CX3CR1: variants seen among roughly 807,000 people sequenced by gnomAD.
CX3CR1 encodes C-X3-C motif chemokine receptor 1, also known as CX3C chemokine receptor 1.
For missense variants in CX3CR1, 363 were observed against 432.4 expected, an observed-to-expected ratio of 0.84 and a Z score of 1.42; for synonymous variants, 168 against 178.5, an observed-to-expected ratio of 0.94 and a Z score of 0.47.
the CX3CR1 span, among the ~76,000 whole-genome samples, chr3:39,292,020 T>C: frequency 6.6e-6 from 1 of 152,174 alleles, no homozygotes; most frequent in East Asian, 1.9e-4. Flanking sequence ...ATGGAAAGCT[T>C]AGGGGCGCCC....
Position 39,265,258 on chromosome 3 carries a change from A to T in CX3CR1, c.*184T>A. ...AATGTCTACTCTTTGTCATTCAAAG[A>T]GTTCAATTTGTTCATTCTTCAAATT... On this transcript the variant is annotated 3_prime_UTR_variant, in exon 2 of 2. Transcript: ENST00000399220. 1 of 584,704 alleles carries T rather than the reference A, an allele frequency of 1.7e-6. No individual in the cohort carries two copies. Among genetic ancestry groups the T allele is most frequent in the Non-Finnish European group, 2.9e-6 (1 of 341,140 alleles). 36.2% of individuals were successfully genotyped at this position (584,704 alleles called of 1,614,324 possible). A position where few individuals can be genotyped will look rare whatever the true frequency, so the allele number is the denominator to read the frequency against.
At chr3:39,292,602 A>G in the CX3CR1 span, among the ~76,000 whole-genome samples, 2 of 152,236 alleles carry the variant, frequency 1.3e-5, no homozygotes, top group East Asian at 3.8e-4. Context: ...AATGTTTACC[A>G]TGTGCCAGGA....
the CX3CR1 span, among the ~76,000 whole-genome samples, chr3:39,290,384 G>A: frequency 1.3e-5 from 2 of 152,224 alleles, no homozygotes; most frequent in African/African-American, 2.4e-5. Flanking sequence ...GGTCTTCTTT[G>A]AGCCTTTTCC....
chr3:39,269,765 G>T (rs2040753738), intron 1 of CX3CR1, among the ~76,000 whole-genome samples: 2 of 152,168 alleles, frequency 1.3e-5, no homozygotes, highest in South Asian at 4.1e-4. Flanking sequence ...CCCTAGAATT[G>T]CTGTGGCTCC....
chr3:39,285,081 A>G (rs79185874), upstream of CX3CR1, among the ~76,000 whole-genome samples: 2,617 of 152,262 alleles, frequency 0.017, 68 homozygotes, highest in African/African-American at 0.059. Context: ...TTAGAAAATT[A>G]GAGGCCAATA....
At position 39,264,143 on chromosome 3, in the gene CX3CR1, T is replaced by A. The variant is rs1372497956; in HGVS notation, c.*1299A>T. 1 of 152,028 alleles carries A rather than the reference T, an allele frequency of 6.6e-6. No homozygotes were observed. Among genetic ancestry groups the A allele is most frequent in the East Asian group, 1.9e-4 (1 of 5,178 alleles). 9.4% of individuals were successfully genotyped at this position (152,028 alleles called of 1,614,324 possible). A position where few individuals can be genotyped will look rare whatever the true frequency, so the allele number is the denominator to read the frequency against. ...GGCTATCACTCTGTAGACTTGGGAGTGCTCACTGGGTGCCATCGTAAGAAC... is the reference window on the plus strand; with the variant it reads ...GGCTATCACTCTGTAGACTTGGGAGAGCTCACTGGGTGCCATCGTAAGAAC... On this transcript the variant is annotated 3_prime_UTR_variant, in exon 2 of 2. Transcript: ENST00000399220.
At chr3:39,269,441 G>A (rs1038045967) in intron 1 of CX3CR1, among the ~76,000 whole-genome samples, 2 of 152,142 alleles carry the variant, frequency 1.3e-5, no homozygotes, top group African/African-American at 2.4e-5. Context: ...GATCAGTCAG[G>A]TACAGTCTAA....
At chr3:39,279,834 A>T in intron 1 of CX3CR1, 120 bp downstream of exon 1, 1 of 299,284 alleles carries the variant, frequency 3.3e-6, no homozygotes, top group Non-Finnish European at 4.9e-6. Context: ...TATTTAGGCT[A>T]CAACATCCCC....
chr3:39,287,871 T>C, the CX3CR1 span: 8 of 152,220 alleles, frequency 5.3e-5, no homozygotes, highest in South Asian at 2.1e-4. Flanking sequence ...TTCGGCAACA[T>C]GGCTATAATT....
chr3:39,270,293 A>G (rs1209457564), intron 1 of CX3CR1, among the ~76,000 whole-genome samples: 1 of 152,236 alleles, frequency 6.6e-6, no homozygotes, highest in African/African-American at 2.4e-5. Flanking sequence ...ATTACTTTAA[A>G]TTGCTTATTG....
At chr3:39,286,975 A>G in the CX3CR1 span, 2 of 152,214 alleles carry the variant, frequency 1.3e-5, no homozygotes, top group African/African-American at 4.8e-5. Flanking sequence ...TGTCAATGAA[A>G]ACTTAAACAG....
At chr3:39,274,400 T>C (rs1439795457) in intron 1 of CX3CR1, among the ~76,000 whole-genome samples, 2 of 145,284 alleles carry the variant, frequency 1.4e-5, no homozygotes, top group African/African-American at 5.1e-5. Flanking sequence ...AATGAGCCCA[T>C]CTAGAACAGC....
At chr3:39,284,719 T>C (rs1171950731), upstream of CX3CR1, among the ~76,000 whole-genome samples, 1 of 152,218 alleles carries the variant, frequency 6.6e-6, no homozygotes, top group Non-Finnish European at 1.5e-5. Flanking sequence ...TTTTTTCCAT[T>C]TTCAGATGAT....
chr3:39,284,030 A>G (rs1250800081), upstream of CX3CR1, among the ~76,000 whole-genome samples: 1 of 151,588 alleles, frequency 6.6e-6, no homozygotes, highest in Non-Finnish European at 1.5e-5. Context: ...TGATGTGATT[A>G]TCACACGTTA....
At chr3:39,290,827 A>G in the CX3CR1 span, among the ~76,000 whole-genome samples, 1 of 151,978 alleles carries the variant, frequency 6.6e-6, no homozygotes, top group Admixed American at 6.6e-5. Context: ...AGGCTGAGGC[A>G]GGAGAATTGC....
At chr3:39,288,274 C>A in the CX3CR1 span, among the ~76,000 whole-genome samples, 1 of 152,224 alleles carries the variant, frequency 6.6e-6, no homozygotes, top group South Asian at 2.1e-4. Context: ...TCCAACCTGA[C>A]CCTTGCTCAC....
At position 39,266,187 on chromosome 3, in the gene CX3CR1, A is replaced by G. The variant is rs764814664; in HGVS notation, c.323T>C (p.Phe108Ser). ...GCTTCCAAAAAAGCCGATGAAGAAG[A>G]AGGCGGTAGTGAATTTGCACATGGC... ...HNAMCKFTTA[F>S]FFIGFFGSIF... The change falls in exon 2 of 2, where the codon TTC (phenylalanine) becomes TCC (serine). Residue 108 changes from phenylalanine to serine, a missense_variant. Transcript: ENST00000399220. 6.2e-7 allele frequency: 1 copy of G among 1,614,218 alleles called. No individual in the cohort carries two copies. Among genetic ancestry groups the G allele is most frequent in the South Asian group, 1.1e-5 (1 of 91,088 alleles).
At chr3:39,282,305 T>A (rs1423037727), upstream of CX3CR1, among the ~76,000 whole-genome samples, 1 of 152,146 alleles carries the variant, frequency 6.6e-6, no homozygotes, top group Non-Finnish European at 1.5e-5. Flanking sequence ...CCTGAACTCT[T>A]GTTCAACCCC....
At chr3:39,281,355 C>A (rs531139787), upstream of CX3CR1, 2,250 of 842,766 alleles carry the variant, frequency 2.7e-3, 22 homozygotes, top group Non-Finnish European at 3.2e-3. Context: ...TCCTGGGGTC[C>A]ACTCAGCTGG....
Sources: gnomAD v4.1 joint callset for allele counts (sites outside exome capture counted in the v4.1 genomes callset) on GRCh38, gnomAD v4.1.1 for gene constraint, MANE v1.5 for transcripts, NCBI Gene and HGNC (gene_info 2026-07-23, HGNC 2026-07-21) for gene names.